RAPGEFL1: variants seen among roughly 807,000 people sequenced by gnomAD.
RAPGEFL1 encodes the protein rap guanine nucleotide exchange factor-like 1.
Under a neutral mutation model 64.4 loss-of-function variants are expected in RAPGEFL1, and 31 were observed. That is an observed-to-expected ratio of 0.48 (90% CI 0.36 to 0.65). The LOEUF is 0.65. Among genes scored for constraint, RAPGEFL1 ranks in the 30% least tolerant of loss-of-function variants. The probability of loss-of-function intolerance (pLI) is 0.00; values close to 1 mark genes in which losing one functional copy is unlikely to be tolerated. For synonymous variants in RAPGEFL1, 331 were observed against 274.1 expected (o/e 1.21, Z -2.05); for missense variants, 682 against 677.4 (o/e 1.01, Z -0.08).
rs1805098487 is a variant in RAPGEFL1 at position 40,191,361 on chromosome 17, G to C, written c.1381G>C (p.Glu461Gln). The C allele has an allele frequency of 6.3e-7, 1 of 1,594,782 alleles. No homozygotes were observed. Among genetic ancestry groups the C allele is most frequent in the Middle Eastern group, 2.3e-4 (1 of 4,436 alleles). Residue 461 changes from glutamate (E) to glutamine (Q), a missense_variant, in exon 9 of 15, where the codon GAG becomes CAG. Transcript: ENST00000620260. This position sits in a 1 kb window ranked among gnomAD's most constrained non-coding sequence, Gnocchi z 5.1. ...GTTCCACGGGGAGCGCGGCCGCCGG[G>C]AGACGGCCAACTTGGAGCTGCTGCT... Reference protein sequence around the residue: ...YVFHGERGRRETANLELLLQR... With the variant: ...YVFHGERGRRQTANLELLLQR...
In RAPGEFL1 at chr17:40,193,381, G is replaced by C. The variant is rs1159993361; in HGVS notation, c.1828G>C (p.Val610Leu). ...IEKLHSVAEK[V>L]RTIRKYRSRP... The stretch of plus-strand genomic sequence containing the variant: ...CTCCCAGCATTCAGTGGCCGAAAAA[G>C]TGAGGACAATCCGCAAATACCGGAG... The change falls in exon 14 of 15, where the codon GTG (valine) becomes CTG (leucine). Residue 610 changes from valine to leucine, a missense_variant. By Grantham distance (32) the Val-to-Leu change is conservative (BLOSUM62 1). This residue lies in a region of RAPGEFL1 where 411 missense variants were observed against 519.4 expected (regional missense o/e 0.79). Transcript: ENST00000620260. 6.2e-7 allele frequency: 1 copy of C among 1,614,098 alleles called. No individual in the cohort carries two copies.
In RAPGEFL1 at chr17:40,191,732, C is replaced by A; in HGVS notation, c.1605+60C>A. 6.6e-7 allele frequency: 1 copy of A among 1,523,896 alleles called. No individual in the cohort carries two copies. The highest frequency in any genetic ancestry group is 9.0e-7 in the Non-Finnish European group (1 of 1,116,064). The allele number at this position is 1,523,896 out of a possible 1,614,324, so 94.4% of individuals were successfully genotyped here. ...TGGGCATCCCGGGCTCCCCGAAGTG[C>A]GTCCTCCCGGGACGGCCGCCGGCCT... On this transcript the variant is annotated intron_variant, in intron 10 of 14. Transcript: ENST00000620260. This position sits in a 1 kb window ranked among gnomAD's most constrained non-coding sequence, Gnocchi z 5.1.
At chr17:40,193,231 G>T in intron 13 of RAPGEFL1, 132 bp from the exon 14 acceptor site, 1 of 1,081,608 alleles carries the variant, frequency 9.2e-7, no homozygotes, top group Non-Finnish European at 1.4e-6. Flanking sequence ...CCACTCCTTT[G>T]GTCCTTCAGA....
rs1472047860 is a variant in RAPGEFL1, at chr17:40,193,902, ACG to A, written c.*115_*116del. ...TTCCCGTGGAGCAACTTCCTGCTCC[ACG>A]GGAAAGAGGTCGATGGATTTACCCC... On this transcript the variant is annotated 3_prime_UTR_variant, in exon 15 of 15. Transcript: ENST00000620260. 7.0e-7 allele frequency: 1 copy of A among 1,420,394 alleles called. No homozygotes were observed. Among genetic ancestry groups the A allele is most frequent in the Non-Finnish European group, 9.5e-7 (1 of 1,051,010 alleles). 88.0% of individuals were successfully genotyped at this position (1,420,394 alleles called of 1,614,324 possible).
chr17:40,192,815 C>T (rs1202601327), intron 12 of RAPGEFL1, 111 bp from the exon 13 acceptor site: 2 of 1,343,454 alleles, frequency 1.5e-6, no homozygotes, highest in Admixed American at 1.7e-5. Context: ...AGGAGCCCCC[C>T]ACCACAGACG....
At chr17:40,180,740 C>T (rs573175826) in intron 1 of RAPGEFL1, among the ~76,000 whole-genome samples, 7 of 152,338 alleles carry the variant, frequency 4.6e-5, no homozygotes, top group East Asian at 1.9e-4. Flanking sequence ...TTTCCTCCTC[C>T]GCCTGCATGG....
rs368271471 is a variant in RAPGEFL1, at chr17:40,184,694, G to A, written c.833+16G>A. On this transcript the variant is annotated intron_variant, in intron 4 of 14. Coordinates refer to ENST00000620260, the MANE Select transcript of RAPGEFL1 (RefSeq NM_016339.6). ...TGGAACTAAAGTGAGGGGGAGTGGGGCAGGGGCGGGAACAGGAAAGTGGTC... is the reference window on the plus strand; with the variant it reads ...TGGAACTAAAGTGAGGGGGAGTGGGACAGGGGCGGGAACAGGAAAGTGGTC... The A allele has an allele frequency of 8.7e-6, 13 of 1,487,146 alleles. No homozygotes were observed. The African/African-American group carries it at 1.3e-4, about 14-fold the overall frequency. The allele number at this position is 1,487,146 out of a possible 1,614,324, so 92.1% of individuals were successfully genotyped here. A position where few individuals can be genotyped will look rare whatever the true frequency, so the allele number is the denominator to read the frequency against.
chr17:40,180,389 A>T (rs1241801664), intron 1 of RAPGEFL1, among the ~76,000 whole-genome samples: 1 of 152,126 alleles, frequency 6.6e-6, no homozygotes, highest in East Asian at 1.9e-4. Context: ...GGAAATTCCA[A>T]ACCAGTCCCA....
At chr17:40,185,313 A>G (rs1371801615) in intron 4 of RAPGEFL1, among the ~76,000 whole-genome samples, 1 of 152,196 alleles carries the variant, frequency 6.6e-6, no homozygotes, top group African/African-American at 2.4e-5. Flanking sequence ...GACAACACTG[A>G]AAGAGGAGTT....
In RAPGEFL1 at chr17:40,178,019, T is replaced by C. The variant is rs1260475620; in HGVS notation, c.158T>C (p.Leu53Ser). 3 of 538,416 alleles carry C rather than the reference T, an allele frequency of 5.6e-6. No individual in the cohort carries two copies. Among genetic ancestry groups the C allele is most frequent in the African/African-American group, 4.0e-5 (2 of 49,502 alleles). 33.4% of individuals were successfully genotyped at this position (538,416 alleles called of 1,614,324 possible). A position where few individuals can be genotyped will look rare whatever the true frequency, so the allele number is the denominator to read the frequency against. The part of the protein sequence containing the change: ...GGGPAGGQRS[L>S]QRRQSVSRLL... Reference sequence around the variant, plus strand: ...GGTCCAGCCGGGGGACAGCGGTCGTTGCAGCGGCGTCAGAGCGTGTCTCGC... The same window carrying C: ...GGTCCAGCCGGGGGACAGCGGTCGTCGCAGCGGCGTCAGAGCGTGTCTCGC... Residue 53 changes from leucine (L) to serine (S), a missense_variant, in exon 1 of 15, where the codon TTG (leucine) becomes TCG (serine). This residue lies in a region of RAPGEFL1 where 271 missense variants were observed against 158.0 expected (regional missense o/e 1.72). Transcript: ENST00000620260.
At chr17:40,177,226 ACT>A, upstream of RAPGEFL1, 1 of 702,384 alleles carries the variant, frequency 1.4e-6, no homozygotes, top group Non-Finnish European at 2.6e-6. Flanking sequence ...ACCTGTCCTG[ACT>A]CTTTGAAATG....
chr17:40,184,758 T>G, intron 4 of RAPGEFL1, 80 bp downstream of exon 4: 1 of 789,062 alleles, frequency 1.3e-6, no homozygotes, highest in Non-Finnish European at 2.0e-6. Flanking sequence ...CTCTGGCCTA[T>G]TGGCTGCAAT....
rs757709891 is a variant in RAPGEFL1, at chr17:40,191,402, G to A, written c.1422G>A (p.Glu474=). The change falls in exon 9 of 15, where the codon GAG becomes GAA. Residue 474 remains glutamate (E), a synonymous_variant. Transcript: ENST00000620260. The surrounding 1 kb of genome is among the most constrained non-coding windows in gnomAD (Gnocchi z 5.1). ...AGCTGCTGCTGCAGCGCTGCAGCGAGGTCACGCACTGGGTGGCCACCGAAG... is the reference window on the plus strand; with the variant it reads ...AGCTGCTGCTGCAGCGCTGCAGCGAAGTCACGCACTGGGTGGCCACCGAAG... ...NLELLLQRCS[E]VTHWVATEVL... is the part of the protein sequence containing the mutation. 1.2e-6 allele frequency: 2 copies of A among 1,602,934 alleles called. No individual in the cohort carries two copies. Among genetic ancestry groups the A allele is most frequent in the African/African-American group, 2.7e-5 (2 of 74,496 alleles).
rs377003098 is a variant in RAPGEFL1, at chr17:40,192,244, G to A, written c.1637G>A (p.Arg546His). The A allele has an allele frequency of 1.4e-5, 22 of 1,613,886 alleles. No homozygotes were observed. The highest frequency in any genetic ancestry group is 2.2e-5 in the East Asian group (1 of 44,876). Reference protein sequence around the residue: ...KLPGKFKNLFRKFENLTDPCR... With the variant: ...KLPGKFKNLFHKFENLTDPCR... ...CCAGGGAAATTCAAGAACTTGTTTC[G>A]CAAATTTGAGAACCTGACGGTGAGT... is the stretch of plus-strand genomic sequence containing the variant. The change falls in exon 11 of 15, where the codon CGC becomes CAC. Residue 546 changes from arginine (R) to histidine (H), a missense_variant. This residue lies in a region of RAPGEFL1 where 411 missense variants were observed against 519.4 expected (regional missense o/e 0.79). Transcript: ENST00000620260.
Position 40,188,949 on chromosome 17 carries a change from C to G in RAPGEFL1, c.917C>G (p.Thr306Ser), listed in dbSNP as rs750933714. The change falls in exon 5 of 15, where the codon ACC (threonine) becomes AGC (serine). Residue 306 changes from threonine to serine, a missense_variant. Physicochemically the swap from Thr to Ser is moderately conservative, Grantham distance 58. Around this residue, in one of 2 missense-constraint regions of RAPGEFL1, gnomAD observed 411 missense variants for 519.4 expected, o/e 0.79. Transcript: ENST00000620260. ...HFRRIDSCLQ[T>S]RVAFRGSDEI... ...CGCCGGATAGACTCCTGTCTGCAGA[C>G]CCGGGTGGCCTTCCGGGGCTCTGAT... 6.2e-7 allele frequency: 1 copy of G among 1,614,054 alleles called. No homozygotes were observed. Among genetic ancestry groups the G allele is most frequent in the Non-Finnish European group, 8.5e-7 (1 of 1,180,056 alleles).
upstream of RAPGEFL1, chr17:40,177,380 A>G: frequency 1.7e-6 from 1 of 589,838 alleles, no homozygotes; most frequent in Non-Finnish European, 3.2e-6. Flanking sequence ...CGCGAGTTCA[A>G]GCCTCGTGCG....
At chr17:40,192,359 G>A in intron 11 of RAPGEFL1, 96 bp downstream of exon 11, 3 of 1,396,154 alleles carry the variant, frequency 2.1e-6, no homozygotes, top group Non-Finnish European at 3.0e-6. Flanking sequence ...CTTTCAAGGT[G>A]TTTAGTGTAT....
chr17:40,177,228 T>C (rs1989734140), upstream of RAPGEFL1: 1 of 702,534 alleles, frequency 1.4e-6, no homozygotes, highest in Admixed American at 2.0e-5. Context: ...CTGTCCTGAC[T>C]CTTTGAAATG....
At position 40,177,507 on chromosome 17, in the gene RAPGEFL1, C is replaced by T. The variant is rs890928166; in HGVS notation, c.-355C>T. The T allele has an allele frequency of 2.4e-5, 14 of 589,004 alleles. No individual in the cohort carries two copies. The highest frequency in any genetic ancestry group is 3.8e-5 in the South Asian group (2 of 52,754). 36.5% of individuals were successfully genotyped at this position (589,004 alleles called of 1,614,324 possible). A position where few individuals can be genotyped will look rare whatever the true frequency, so the allele number is the denominator to read the frequency against. On this transcript the variant is annotated 5_prime_UTR_variant, in exon 1 of 15. Transcript: ENST00000620260. ...TCACGGCCAGGAGCGCAGCCGCCGC[C>T]GCCGCCGCCGCCGCGTCCTCTCAGC...
Sources: allele counts gnomAD v4.1 joint callset (sites outside exome capture counted in the v4.1 genomes callset), GRCh38; gene constraint gnomAD v4.1.1; regional missense constraint gnomAD v4.1.1; non-coding constraint Gnocchi (gnomAD v3.1); transcripts MANE v1.5; gene names NCBI Gene and HGNC (gene_info 2026-07-23, HGNC 2026-07-21).